The following DMD variants were observed in gnomAD, a reference collection of about 807,000 sequenced individuals.
The protein encoded by DMD is mutant dystrophin.
A neutral mutation model predicts 330.1 loss-of-function variants in DMD; 63 were observed. The ratio of observed to expected loss-of-function variants is 0.19; its 90% CI spans 0.16 to 0.24. The LOEUF is 0.24. Ranked by LOEUF, DMD falls within the 10% of genes least tolerant of loss-of-function variation. DMD has a pLI of 1.00. For synonymous variants in DMD, 1,223 were observed against 959.8 expected (o/e 1.27, Z -5.07); for missense variants, 3,344 against 2,684.1 (o/e 1.25, Z -5.43).
At chrX:31,380,051 G>A (rs2060085709) in intron 60 of DMD, among the ~76,000 whole-genome samples, 1 of 110,762 alleles carries the variant, frequency 9.0e-6, no homozygotes, top group Non-Finnish European at 1.9e-5. Context: ...ACAGTGGAGG[G>A]TAAGTCCGTC....
chrX:31,390,429 T>G (rs764885722), intron 60 of DMD, among the ~76,000 whole-genome samples: 7 of 110,764 alleles, frequency 6.3e-5, no homozygotes, highest in Non-Finnish European at 1.3e-4. Flanking sequence ...ATAATTGAAT[T>G]TGACTTCTGC....
Position 31,164,803 on chromosome X carries a change from G to A in DMD, c.10553+4640C>T, listed in dbSNP as rs1344690390. ...TTGAGTTGCTCCCTAGACTAGGCAC[G>A]GAGGCAGCAACTCTGCAGTGGGTAC... On this transcript the variant is annotated intron_variant, in intron 74 of 78. Coordinates refer to ENST00000357033, the MANE Select transcript of DMD (RefSeq NM_004006.3). 6.3e-5 allele frequency among the ~76,000 whole-genome samples: 7 copies of A among 111,017 alleles called. No individual in the cohort carries two copies. In the South Asian group the frequency reaches 1.9e-3, roughly 30 times the overall value.
intron 17 of DMD, among the ~76,000 whole-genome samples, chrX:32,539,917 C>T (rs2048341315): frequency 9.0e-6 from 1 of 111,687 alleles, no homozygotes; most frequent in Admixed American, 9.5e-5. Flanking sequence ...AGGGAAAAAA[C>T]AGACCAGGTG....
chrX:31,314,768 G>GAA (rs1379110900), intron 62 of DMD, among the ~76,000 whole-genome samples: 24 of 105,746 alleles, frequency 2.3e-4, no homozygotes, highest in African/African-American at 4.6e-4. Flanking sequence ...GAGAGAGAGA[G>GAA]AGAGAGAGAG....
At chrX:32,313,029 C>A (rs2148616383) in intron 41 of DMD, among the ~76,000 whole-genome samples, 1 of 104,314 alleles carries the variant, frequency 9.6e-6, no homozygotes, top group Admixed American at 1.1e-4. Context: ...TGGTACCATT[C>A]CCTCTAAAAC....
At chrX:32,742,620 T>C (rs2069437712) in intron 7 of DMD, among the ~76,000 whole-genome samples, 1 of 110,031 alleles carries the variant, frequency 9.1e-6, no homozygotes, top group Non-Finnish European at 1.9e-5. Flanking sequence ...TAGAGGAGAG[T>C]AAATGGGACA....
chrX:32,694,635 T>C (rs112438591), intron 9 of DMD, among the ~76,000 whole-genome samples: 1,531 of 107,336 alleles, frequency 0.014, 15 homozygotes, highest in Middle Eastern at 0.028. Context: ...ATTAAAAGGC[T>C]CATATCATAC....
intron 7 of DMD, among the ~76,000 whole-genome samples, chrX:32,739,609 T>G (rs969213369): frequency 2.7e-5 from 3 of 112,084 alleles, no homozygotes; most frequent in African/African-American, 9.7e-5. Flanking sequence ...TGGGAAATTA[T>G]TAACAGACCA....
Position 32,809,944 on chromosome X carries a change from AAAG to A in DMD, c.531-336_531-334del, listed in dbSNP as rs1269509284. Among the ~76,000 whole-genome samples, 313 of 74,746 alleles carry A rather than the reference AAAG, an allele frequency of 4.2e-3. 3 individuals carry two copies. The highest frequency in any genetic ancestry group is 0.014 in the African/African-American group (288 of 21,192). 64.9% of individuals were successfully genotyped at this position (74,746 alleles called of 115,157 possible). On this transcript the variant is annotated intron_variant, in intron 6 of 78. Coordinates refer to ENST00000357033, the MANE Select transcript of DMD (RefSeq NM_004006.3). ...CAAAAAAAAAAAAAAAAAAAAAAAA[AAAG>A]AAAGAAAGAAAGAAAGAAAGAAAAA...
intron 18 of DMD, among the ~76,000 whole-genome samples, chrX:32,503,733 T>C (rs980342463): frequency 4.3e-4 from 48 of 110,497 alleles, no homozygotes; most frequent in African/African-American, 1.5e-3. Flanking sequence ...TTTTTGTATT[T>C]TTAGTAGAGA....
At chrX:32,401,427 T>C (rs1395009791) in intron 30 of DMD, among the ~76,000 whole-genome samples, 1 of 112,032 alleles carries the variant, frequency 8.9e-6, no homozygotes, top group Non-Finnish European at 1.9e-5. Context: ...ATGGATGGAA[T>C]TGTACGTTAT....
intron 9 of DMD, among the ~76,000 whole-genome samples, chrX:32,661,918 G>T (rs1049178929): frequency 9.0e-6 from 1 of 110,917 alleles, no homozygotes; most frequent in African/African-American, 3.3e-5. Flanking sequence ...GGATTTTGTT[G>T]GTATATAATC....
intron 50 of DMD, among the ~76,000 whole-genome samples, chrX:31,807,994 T>G (rs1024414428): frequency 5.4e-5 from 6 of 111,738 alleles, no homozygotes; most frequent in African/African-American, 1.3e-4. Context: ...AATAATGTAG[T>G]ACCTATTTCA....
chrX:32,033,641 GA>G (rs764863752), intron 44 of DMD, among the ~76,000 whole-genome samples: 3,300 of 58,508 alleles, frequency 0.056, 92 homozygotes, highest in East Asian at 0.064. Context: ...AAGAAAGAAA[GA>G]AAGAAAGAAA....
intron 60 of DMD, among the ~76,000 whole-genome samples, chrX:31,441,896 G>T (rs1403834181): frequency 1.8e-5 from 2 of 111,905 alleles, no homozygotes; most frequent in Non-Finnish European, 3.8e-5. Flanking sequence ...GAACTAACTT[G>T]ACTCGGTTAT....
At chrX:31,198,184 A>G (rs1201841232) in intron 67 of DMD, among the ~76,000 whole-genome samples, 1 of 111,393 alleles carries the variant, frequency 9.0e-6, no homozygotes, top group African/African-American at 3.3e-5. Context: ...TGGTAGCACA[A>G]TAAGGCCACT....
chrX:32,359,211 T>G (rs2097820979), intron 37 of DMD, among the ~76,000 whole-genome samples: 1 of 111,886 alleles, frequency 8.9e-6, no homozygotes, highest in African/African-American at 3.2e-5. Context: ...ACTCACTGCT[T>G]TCTGGGCTTC....
intron 55 of DMD, among the ~76,000 whole-genome samples, chrX:31,530,647 C>CTTTTTTTTTTTTTTTTTTTTTTCT: frequency 2.0e-5 from 1 of 49,845 alleles, no homozygotes; most frequent in Non-Finnish European, 3.6e-5. Context: ...ACTGGTTTCT[C>CTTTTTTTTTTTTTTTTTTTTTTCT]TTTTTTTTTT....
chrX:32,947,925 G>A (rs1475195842), intron 2 of DMD, among the ~76,000 whole-genome samples: 7 of 111,192 alleles, frequency 6.3e-5, no homozygotes, highest in African/African-American at 2.3e-4. Context: ...CAGACCGAAG[G>A]CAATGTGCAG....
Sources: allele counts gnomAD v4.1 joint callset (sites outside exome capture counted in the v4.1 genomes callset), GRCh38; gene constraint gnomAD v4.1.1; transcripts MANE v1.5; gene names NCBI Gene and HGNC (gene_info 2026-07-23, HGNC 2026-07-21).